Variants in DLGAP2 observed in about 807,000 individuals in gnomAD.
DLGAP2 encodes the protein disks large-associated protein 2.
Under a neutral mutation model 100.3 loss-of-function variants are expected in DLGAP2, and 26 were observed. That is an observed-to-expected ratio of 0.26 (90% CI 0.19 to 0.36). The LOEUF (loss-of-function observed/expected upper bound fraction) is 0.36, where lower values mean the gene tolerates loss of function less well. Among genes scored for constraint, DLGAP2 ranks in the 10% least tolerant of loss-of-function variants. DLGAP2 has a pLI of 1.00. For synonymous variants in DLGAP2, 886 were observed against 630.1 expected (o/e 1.41, Z -6.08); for missense variants, 1,858 against 1,453.2 (o/e 1.28, Z -4.53).
intron 6 of DLGAP2, among the ~76,000 whole-genome samples, chr8:1,584,386 C>A (rs796269081): frequency 1.4e-4 from 22 of 152,208 alleles, no homozygotes; most frequent in African/African-American, 5.1e-4. Flanking sequence ...CCAGACTCCT[C>A]GTGCATGCCA....
At chr8:904,923 C>T (rs1026649617) in intron 1 of DLGAP2, among the ~76,000 whole-genome samples, 2 of 152,288 alleles carry the variant, frequency 1.3e-5, no homozygotes, top group East Asian at 3.9e-4. Context: ...AAGAAATAAA[C>T]CTATTATGGT....
intron 4 of DLGAP2, among the ~76,000 whole-genome samples, chr8:1,528,011 A>G (rs1584893625): frequency 6.6e-6 from 1 of 152,254 alleles, no homozygotes; most frequent in Non-Finnish European, 1.5e-5. Context: ...CTAAAAGAAA[A>G]AAGTCCTTAC....
chr8:1,689,990 G>A (rs1275897327), intron 12 of DLGAP2, among the ~76,000 whole-genome samples: 1 of 152,204 alleles, frequency 6.6e-6, no homozygotes. Flanking sequence ...GTGTGGTTTT[G>A]AGGATCATGG....
chr8:1,569,732 A>G (rs1380268796), intron 6 of DLGAP2, among the ~76,000 whole-genome samples: 1 of 152,242 alleles, frequency 6.6e-6, no homozygotes, highest in Non-Finnish European at 1.5e-5. Flanking sequence ...TGCACAAGCC[A>G]CCAAGGCTCT....
intron 3 of DLGAP2, among the ~76,000 whole-genome samples, chr8:1,464,121 C>G (rs915318030): frequency 4.9e-5 from 2 of 41,202 alleles, no homozygotes; most frequent in African/African-American, 2.1e-4. Context: ...TCACTGTCCC[C>G]AAAGCCACGT....
At chr8:1,378,171 A>G in intron 3 of DLGAP2, 1 of 170,852 alleles carries the variant, frequency 5.9e-6, no homozygotes, top group Non-Finnish European at 1.3e-5. Flanking sequence ...TCCTGCGCAC[A>G]CCTGACCTCA....
Position 1,703,446 on chromosome 8 carries a change from TAAAAC to T in DLGAP2, c.*2044_*2048del, listed in dbSNP as rs1488346141. ...CTTCCTATATCCACTCTTATTATGT[TAAAAC>T]AAATGTATTTGCGAGTATTGGCATT... is the stretch of plus-strand genomic sequence containing the variant. On this transcript the variant is annotated 3_prime_UTR_variant, in exon 15 of 15. Transcript: ENST00000637795. 1 of 152,646 alleles carries T rather than the reference TAAAAC, an allele frequency of 6.6e-6. No homozygotes were observed. The highest frequency in any genetic ancestry group is 1.5e-5 in the Non-Finnish European group (1 of 68,042). The allele number at this position is 152,646 out of a possible 1,614,324, so 9.5% of individuals were successfully genotyped here.
chr8:1,061,055 A>T (rs1304003299), intron 2 of DLGAP2, among the ~76,000 whole-genome samples: 1 of 152,174 alleles, frequency 6.6e-6, no homozygotes, highest in Non-Finnish European at 1.5e-5. Flanking sequence ...GGGCAGAGGA[A>T]CGAATTCCCT....
At chr8:942,524 A>G (rs949794802) in intron 2 of DLGAP2, among the ~76,000 whole-genome samples, 3 of 152,226 alleles carry the variant, frequency 2.0e-5, no homozygotes, top group Non-Finnish European at 4.4e-5. Context: ...GGCTTGGACT[A>G]TCATTTCTAA....
At chr8:1,680,269 G>A (rs974828453) in intron 12 of DLGAP2, among the ~76,000 whole-genome samples, 1 of 152,142 alleles carries the variant, frequency 6.6e-6, no homozygotes. Context: ...AGATCCTTGG[G>A]AATTTGTCCC....
intron 1 of DLGAP2, among the ~76,000 whole-genome samples, chr8:814,671 C>T (rs574020141): frequency 1.1e-4 from 16 of 151,440 alleles, no homozygotes; most frequent in African/African-American, 3.9e-4. Context: ...CATGGTGAAA[C>T]CCCGTCTCTA....
At chr8:1,428,215 A>C (rs1797292363) in intron 3 of DLGAP2, among the ~76,000 whole-genome samples, 1 of 152,094 alleles carries the variant, frequency 6.6e-6, no homozygotes, top group Non-Finnish European at 1.5e-5. Context: ...CAAATCAGAA[A>C]AAAAATTTAA....
chr8:1,567,845 C>T (rs771483307), intron 6 of DLGAP2, among the ~76,000 whole-genome samples: 9 of 152,210 alleles, frequency 5.9e-5, no homozygotes, highest in East Asian at 1.9e-4. Flanking sequence ...CCCTTCCCTG[C>T]CCAAGTGGGA....
intron 3 of DLGAP2, among the ~76,000 whole-genome samples, chr8:1,265,947 TA>T (rs775524420): frequency 1.3e-5 from 2 of 152,186 alleles, no homozygotes; most frequent in East Asian, 3.8e-4. Context: ...TGTTTAATGA[TA>T]AACGGAATCT....
chr8:1,471,897 C>T (rs910288780), intron 3 of DLGAP2, among the ~76,000 whole-genome samples: 7 of 152,334 alleles, frequency 4.6e-5, no homozygotes, highest in African/African-American at 1.4e-4. Flanking sequence ...CGCAGGCCTG[C>T]GGTCCGTAAA....
intron 2 of DLGAP2, among the ~76,000 whole-genome samples, chr8:949,786 G>A (rs1224875384): frequency 6.6e-6 from 1 of 152,202 alleles, no homozygotes; most frequent in Admixed American, 6.5e-5. Flanking sequence ...TTTTGTGGGG[G>A]CCGTCCTGGG....
At chr8:1,666,332 G>C (rs1245979316) in intron 8 of DLGAP2, among the ~76,000 whole-genome samples, 2 of 152,192 alleles carry the variant, frequency 1.3e-5, no homozygotes, top group East Asian at 3.9e-4. Context: ...TCCTTCCTCA[G>C]TTTTCTAGGC....
chr8:1,327,252 G>T (rs1275579131), intron 3 of DLGAP2, among the ~76,000 whole-genome samples: 1 of 152,228 alleles, frequency 6.6e-6, no homozygotes, highest in African/African-American at 2.4e-5. Context: ...ACCAACCAGG[G>T]TCCCTTGGCC....
At chr8:1,342,611 C>T (rs527545071) in intron 3 of DLGAP2, among the ~76,000 whole-genome samples, 6 of 152,184 alleles carry the variant, frequency 3.9e-5, no homozygotes, top group South Asian at 2.1e-4. Flanking sequence ...GGCTGTGCAC[C>T]GTGCTGGCAT....
Sources: allele counts gnomAD v4.1 joint callset (sites outside exome capture counted in the v4.1 genomes callset), GRCh38; gene constraint gnomAD v4.1.1; transcripts MANE v1.5; gene names NCBI Gene and HGNC (gene_info 2026-07-23, HGNC 2026-07-21).